PRPS2: variants seen among roughly 807,000 people sequenced by gnomAD.
PRPS2 encodes ribose-phosphate pyrophosphokinase 2.
For synonymous variants in PRPS2, 111 were observed against 115.3 expected, an observed-to-expected ratio of 0.96 and a Z score of 0.24; for missense variants, 104 against 271.5, an observed-to-expected ratio of 0.38 and a Z score of 4.34.
rs72506508 is a variant in PRPS2, at chrX:12,801,221, C to CGTGTGTGTGTGTGTGTGTGTGTGT, written c.306+1840_306+1863dup. 2.8e-3 allele frequency among the ~76,000 whole-genome samples: 263 copies of CGTGTGTGTGTGTGTGTGTGTGTGT among 93,379 alleles called. 3 individuals carry two copies. Among genetic ancestry groups the CGTGTGTGTGTGTGTGTGTGTGTGT allele is most frequent in the African/African-American group, 9.2e-3 (229 of 25,003 alleles). The allele number at this position is 93,379 out of a possible 115,157, so 81.1% of individuals were successfully genotyped here. A position where few individuals can be genotyped will look rare whatever the true frequency, so the allele number is the denominator to read the frequency against. On this transcript the variant is annotated intron_variant, in intron 2 of 6. Coordinates refer to ENST00000380668, the MANE Select transcript of PRPS2 (RefSeq NM_002765.5). The stretch of plus-strand genomic sequence containing the variant: ...AGACCATTGATAGATTGCGTGCGCA[C>CGTGTGTGTGTGTGTGTGTGTGTGT]GTGTGTGTGTGTGTGTGTGTGTGTG...
chrX:12,804,718 T>C (rs929844998), intron 2 of PRPS2, among the ~76,000 whole-genome samples: 3 of 111,165 alleles, frequency 2.7e-5, no homozygotes, highest in Non-Finnish European at 3.8e-5. Context: ...ACTTCTACCT[T>C]TTTGCTTCAT....
intron 2 of PRPS2, among the ~76,000 whole-genome samples, chrX:12,808,820 G>A (rs779390232): frequency 9.0e-6 from 1 of 111,337 alleles, no homozygotes; most frequent in Non-Finnish European, 1.9e-5. Context: ...TGCTAAACTT[G>A]CCTTAAAAGT....
chrX:12,799,710 A>G (rs1275737257), intron 2 of PRPS2, among the ~76,000 whole-genome samples: 2 of 111,975 alleles, frequency 1.8e-5, no homozygotes, highest in African/African-American at 6.5e-5. Flanking sequence ...GTACAAGTCA[A>G]ACTAGAGCAC....
chrX:12,820,698 C>T lies in PRPS2; in HGVS notation c.759C>T (p.Phe253=). 8.3e-7 allele frequency: 1 copy of T among 1,211,344 alleles called. No individual in the cohort carries two copies. The highest frequency in any genetic ancestry group is 1.1e-6 in the Non-Finnish European group (1 of 895,258). The change falls in exon 6 of 7, where the codon TTC becomes TTT. Residue 253 remains phenylalanine, a synonymous_variant. Transcript: ENST00000380668. ...ATGCTATCCTTACCCATGGGATCTTCTCTGGACCAGCTATTTCCAGAATAA... is the reference window on the plus strand; with the variant it reads ...ATGCTATCCTTACCCATGGGATCTTTTCTGGACCAGCTATTTCCAGAATAA... ...KVYAILTHGI[F]SGPAISRINN... is the part of the protein sequence containing the mutation.
chrX:12,796,852 A>ATTTTTTTTTTT (rs35240522), intron 1 of PRPS2, among the ~76,000 whole-genome samples: 4 of 34,241 alleles, frequency 1.2e-4, no homozygotes, highest in African/African-American at 2.4e-4. Context: ...AGTATTTCAG[A>ATTTTTTTTTTT]TTTTTTTTTT....
chrX:12,810,112 A>G lies in PRPS2; in HGVS notation c.496A>G (p.Ile166Val). 1 of 1,212,193 alleles carries G rather than the reference A, an allele frequency of 8.2e-7. No individual in the cohort carries two copies. The highest frequency in any genetic ancestry group is 1.1e-6 in the Non-Finnish European group (1 of 895,561). ...RENIAEWKNC[I>V]IVSPDAGGAK... is the part of the protein sequence containing the mutation. The stretch of plus-strand genomic sequence containing the variant: ...AAACATTGCCGAGTGGAAGAACTGT[A>G]TCATTGTTTCACCTGACGCAGGGGG... Residue 166 changes from isoleucine (I) to valine (V), a missense_variant, in exon 4 of 7, where the codon ATC becomes GTC. Ile to Val is a conservative substitution (Grantham distance 29). Transcript: ENST00000380668.
At chrX:12,796,105 T>C (rs1020704556) in intron 1 of PRPS2, among the ~76,000 whole-genome samples, 2 of 111,254 alleles carry the variant, frequency 1.8e-5, no homozygotes, top group African/African-American at 6.5e-5. Context: ...GGACTAGAAC[T>C]CCTGGGCTCA....
intron 1 of PRPS2, among the ~76,000 whole-genome samples, chrX:12,792,949 C>G (rs2042526937): frequency 8.9e-6 from 1 of 111,959 alleles, no homozygotes; most frequent in South Asian, 3.7e-4. Context: ...GTGGCAAATT[C>G]CAGTTATGGC....
At chrX:12,811,849 G>A (rs191616611) in intron 4 of PRPS2, among the ~76,000 whole-genome samples, 1 of 112,242 alleles carries the variant, frequency 8.9e-6, no homozygotes, top group East Asian at 2.8e-4. Context: ...GCCTTCCAAC[G>A]GCTGCTGGGG....
At chrX:12,796,392 G>A (rs1196139754) in intron 1 of PRPS2, among the ~76,000 whole-genome samples, 1 of 109,470 alleles carries the variant, frequency 9.1e-6, no homozygotes, top group Non-Finnish European at 1.9e-5. Context: ...GGCTAATTTT[G>A]TATTTTTTAG....
intron 1 of PRPS2, among the ~76,000 whole-genome samples, 173 bp downstream of exon 1, chrX:12,791,792 C>A (rs1286584035): frequency 9.1e-6 from 1 of 110,422 alleles, no homozygotes; most frequent in African/African-American, 3.2e-5. Flanking sequence ...TGCGAAGAAA[C>A]CGAGGCGGGG....
chrX:12,809,957 TA>T, intron 3 of PRPS2, 64 bp from the exon 4 acceptor site: 1 of 1,089,497 alleles, frequency 9.2e-7, no homozygotes, highest in Non-Finnish European at 1.2e-6. Context: ...GATTATCGTT[TA>T]AAAAAACAAA....
intron 2 of PRPS2, among the ~76,000 whole-genome samples, chrX:12,802,897 C>T (rs192387963): frequency 3.2e-3 from 362 of 111,988 alleles, no homozygotes; most frequent in Non-Finnish European, 3.7e-3. Context: ...TCATCATCAA[C>T]CACGCAGAGG....
intron 4 of PRPS2, among the ~76,000 whole-genome samples, chrX:12,816,193 G>T (rs888692684): frequency 9.0e-6 from 1 of 111,525 alleles, no homozygotes; most frequent in Non-Finnish European, 1.9e-5. Context: ...CTTCAAGGAC[G>T]TTGATGTCTT....
intron 2 of PRPS2, among the ~76,000 whole-genome samples, chrX:12,805,313 A>G (rs1428724955): frequency 2.7e-5 from 3 of 112,801 alleles, no homozygotes; most frequent in African/African-American, 9.7e-5. Flanking sequence ...AAAGTTACTT[A>G]AACTGTCTGT....
intron 1 of PRPS2, among the ~76,000 whole-genome samples, chrX:12,793,332 C>A (rs183667114): frequency 8.9e-4 from 100 of 112,514 alleles, no homozygotes; most frequent in African/African-American, 2.9e-3. Context: ...TGAGTTTCTC[C>A]TAAAAATACC....
chrX:12,802,118 T>C (rs1308050827), intron 2 of PRPS2, among the ~76,000 whole-genome samples: 1 of 112,419 alleles, frequency 8.9e-6, no homozygotes, highest in Non-Finnish European at 1.9e-5. Flanking sequence ...TTAGCACATA[T>C]CTGATTTGCG....
intron 2 of PRPS2, among the ~76,000 whole-genome samples, chrX:12,807,111 C>T (rs1444821507): frequency 3.7e-5 from 4 of 109,194 alleles, no homozygotes; most frequent in African/African-American, 1.3e-4. Flanking sequence ...AAAAAAAGGA[C>T]AAAAATATAT....
chrX:12,805,917 A>G (rs1490317565), intron 2 of PRPS2, among the ~76,000 whole-genome samples: 1 of 111,624 alleles, frequency 9.0e-6, no homozygotes, highest in African/African-American at 3.3e-5. Flanking sequence ...TACTAAAAAT[A>G]CAAAAATTAG....
Sources: allele counts gnomAD v4.1 joint callset (sites outside exome capture counted in the v4.1 genomes callset), GRCh38; gene constraint gnomAD v4.1.1; transcripts MANE v1.5; gene names NCBI Gene and HGNC (gene_info 2026-07-23, HGNC 2026-07-21).